NRXN1: variants seen among roughly 807,000 people sequenced by gnomAD.
The protein encoded by NRXN1 is neurexin 1.
NRXN1 carries 39 observed loss-of-function variants against 150.9 expected under a neutral mutation model. That is an observed-to-expected ratio of 0.26 (90% confidence interval 0.20 to 0.34). The LOEUF (loss-of-function observed/expected upper bound fraction) is 0.34. NRXN1 is among the 10% of genes least tolerant of loss of function. NRXN1 has a pLI of 1.00. For missense variants in NRXN1, 1,815 were observed against 1,949.9 expected (o/e 0.93, Z 1.30); for synonymous variants, 924 against 757.0 (o/e 1.22, Z -3.62).
rs149457884 is a variant in NRXN1 at position 50,114,787 on chromosome 2, A to T, written c.3547-23293T>A. Among the ~76,000 whole-genome samples, 211 of 152,234 alleles carry T rather than the reference A, an allele frequency of 1.4e-3. 2 individuals are homozygous for T. The highest frequency in any genetic ancestry group is 2.7e-3 in the Non-Finnish European group (186 of 67,976). Reference sequence around the variant, plus strand: ...AGAAGCCTACACACTGTATGATTTCAACTGTGTGACATTCTGGAAAAGGAT... The same window carrying T: ...AGAAGCCTACACACTGTATGATTTCTACTGTGTGACATTCTGGAAAAGGAT... On this transcript the variant is annotated intron_variant, in intron 18 of 22. Coordinates refer to ENST00000401669, the MANE Select transcript of NRXN1 (RefSeq NM_001330078.2).
intron 17 of NRXN1, among the ~76,000 whole-genome samples, chr2:50,422,020 TCA>T (rs1279525285): frequency 6.6e-6 from 1 of 152,170 alleles, no homozygotes; most frequent in Non-Finnish European, 1.5e-5. Context: ...TAAGAATTTT[TCA>T]CATAATGAAT....
chr2:50,083,220 C>T (rs72891449), intron 19 of NRXN1, among the ~76,000 whole-genome samples: 40,944 of 152,038 alleles, frequency 0.27, 5,858 homozygotes, highest in East Asian at 0.4. Context: ...AACTTACAGA[C>T]AAACTACAAG....
chr2:50,335,069 G>T (rs1558548116), intron 17 of NRXN1, among the ~76,000 whole-genome samples: 1 of 152,066 alleles, frequency 6.6e-6, no homozygotes, highest in African/African-American at 2.4e-5. Context: ...CTTAAATAAA[G>T]TTGCTTCAAA....
chr2:50,973,323 C>T (rs1157096895), intron 2 of NRXN1, among the ~76,000 whole-genome samples: 2 of 152,140 alleles, frequency 1.3e-5, no homozygotes, highest in Non-Finnish European at 2.9e-5. Context: ...GGTGCAGAGA[C>T]ATACATGAAC....
chr2:50,731,151 T>G (rs1698050693), intron 5 of NRXN1, among the ~76,000 whole-genome samples: 1 of 152,162 alleles, frequency 6.6e-6, no homozygotes, highest in Admixed American at 6.5e-5. Context: ...GAAACACCAA[T>G]GAAATTAAAG....
intron 21 of NRXN1, among the ~76,000 whole-genome samples, chr2:50,010,246 G>A (rs927050078): frequency 2.6e-5 from 4 of 152,036 alleles, no homozygotes; most frequent in African/African-American, 9.7e-5. Context: ...ACATTTAGAT[G>A]CTCTGTACTT....
intron 18 of NRXN1, among the ~76,000 whole-genome samples, chr2:50,166,020 T>G (rs1018044303): frequency 6.6e-6 from 1 of 152,044 alleles, no homozygotes; most frequent in Non-Finnish European, 1.5e-5. Context: ...AACCTGTAAA[T>G]ATGACAATAT....
intron 2 of NRXN1, among the ~76,000 whole-genome samples, chr2:51,012,799 C>G (rs1161337241): frequency 7.9e-5 from 12 of 152,024 alleles, no homozygotes. Flanking sequence ...AAACCAAAAA[C>G]ATGACAGAAT....
chr2:50,342,814 G>T (rs1164366227), intron 17 of NRXN1, among the ~76,000 whole-genome samples: 1 of 152,194 alleles, frequency 6.6e-6, no homozygotes, highest in Non-Finnish European at 1.5e-5. Flanking sequence ...TCTGGGCTAT[G>T]GGCCATAGGC....
chr2:51,018,334 G>C (rs137980063), intron 2 of NRXN1, among the ~76,000 whole-genome samples: 221 of 152,222 alleles, frequency 1.5e-3, no homozygotes, highest in African/African-American at 5.2e-3. Flanking sequence ...TGTTCCTGCA[G>C]TGTGGTGTCA....
Position 50,138,082 on chromosome 2 carries a change from T to C in NRXN1, c.3547-46588A>G, listed in dbSNP as rs1428363970. Reference sequence around the variant, plus strand: ...TGGAAATGTAAACGTAAAAAAGAAATGTAAAAAAGTAAAACGTATTCATCA... The same window carrying C: ...TGGAAATGTAAACGTAAAAAAGAAACGTAAAAAAGTAAAACGTATTCATCA... On this transcript the variant is annotated intron_variant, in intron 18 of 22. Coordinates refer to ENST00000401669, the MANE Select transcript of NRXN1 (RefSeq NM_001330078.2). Among the ~76,000 whole-genome samples the C allele has an allele frequency of 2.0e-5, 3 of 152,224 alleles. No homozygotes were observed. The East Asian group carries it at 5.8e-4, about 29-fold the overall frequency.
In NRXN1 at chr2:50,497,566, C is replaced by A; in HGVS notation, c.2646G>T (p.Leu882=). ...AGTAATCTATGTCGCCATTTTTACACAGGTCAATGTATGCCATTCCATTAA... is the reference window on the plus strand; with the variant it reads ...AGTAATCTATGTCGCCATTTTTACAAAGGTCAATGTATGCCATTCCATTAA... ...LTFNGMAYID[L]CKNGDIDYCE... Residue 882 remains leucine, a synonymous_variant, in exon 14 of 23, where the codon CTG becomes CTT. Transcript: ENST00000401669. 1.2e-6 allele frequency: 2 copies of A among 1,613,872 alleles called. No individual in the cohort carries two copies. Among genetic ancestry groups the A allele is most frequent in the Non-Finnish European group, 1.7e-6 (2 of 1,179,844 alleles).
At chr2:50,571,619 A>AT (rs574835688) in intron 8 of NRXN1, among the ~76,000 whole-genome samples, 13,765 of 148,656 alleles carry the variant, frequency 0.093, 716 homozygotes, top group South Asian at 0.2. Flanking sequence ...ATAAAATGAG[A>AT]TTTTTTTTTT....
chr2:50,319,322 T>C (rs551753260), intron 17 of NRXN1, among the ~76,000 whole-genome samples: 4 of 152,304 alleles, frequency 2.6e-5, no homozygotes, highest in Admixed American at 2.6e-4. Flanking sequence ...CTATGCTTCA[T>C]AAAACGTAGC....
intron 5 of NRXN1, among the ~76,000 whole-genome samples, chr2:50,643,692 G>C (rs1684386167): frequency 6.6e-6 from 1 of 151,776 alleles, no homozygotes; most frequent in Non-Finnish European, 1.5e-5. Flanking sequence ...ATATATAACA[G>C]ATAAAAAACT....
intron 5 of NRXN1, among the ~76,000 whole-genome samples, chr2:50,758,780 C>T (rs1486297239): frequency 6.6e-6 from 1 of 151,858 alleles, no homozygotes; most frequent in Non-Finnish European, 1.5e-5. Flanking sequence ...AAAATAACAC[C>T]TTGGAGAGCT....
chr2:50,756,665 T>C (rs949712203), intron 5 of NRXN1, among the ~76,000 whole-genome samples: 2 of 151,796 alleles, frequency 1.3e-5, no homozygotes, highest in African/African-American at 4.8e-5. Context: ...GTAAGTATAT[T>C]AAGATATTTA....
At chr2:49,934,743 G>T (rs1190923466) in intron 22 of NRXN1, among the ~76,000 whole-genome samples, 2 of 152,096 alleles carry the variant, frequency 1.3e-5, no homozygotes, top group Non-Finnish European at 2.9e-5. Context: ...TAGGAAGGAA[G>T]CAGGAAAGTT....
intron 17 of NRXN1, among the ~76,000 whole-genome samples, chr2:50,411,380 C>A (rs1023457186): frequency 6.6e-6 from 1 of 152,100 alleles, no homozygotes; most frequent in Non-Finnish European, 1.5e-5. Context: ...TCGCTACAAC[C>A]TCCACCTCCC....
Sources: allele counts gnomAD v4.1 joint callset (sites outside exome capture counted in the v4.1 genomes callset), GRCh38; gene constraint gnomAD v4.1.1; transcripts MANE v1.5; gene names NCBI Gene and HGNC (gene_info 2026-07-23, HGNC 2026-07-21).